The following CCDC30 variants were observed in gnomAD, a reference collection of about 807,000 sequenced individuals.
CCDC30 encodes the protein coiled-coil domain-containing protein 30.
In CCDC30, 70 loss-of-function variants were observed where a neutral mutation model predicts 100.2. The observed-to-expected ratio is 0.70, with a 90% CI of 0.58 to 0.85. CCDC30 has a LOEUF of 0.85. Ranked by LOEUF, CCDC30 falls within the 40% of genes least tolerant of loss-of-function variation. The pLI is 0.00. For missense variants in CCDC30, 652 were observed against 771.2 expected (o/e 0.85, Z 1.83); for synonymous variants, 233 against 269.5 (o/e 0.86, Z 1.33).
chr1:42,636,509 A>G (rs1299137053), intron 11 of CCDC30, among the ~76,000 whole-genome samples: 1 of 152,212 alleles, frequency 6.6e-6, no homozygotes, highest in Non-Finnish European at 1.5e-5. Context: ...TCACTGTCCA[A>G]GATACAGCCA....
intron 11 of CCDC30, among the ~76,000 whole-genome samples, chr1:42,630,255 G>A (rs4660653): frequency 0.1 from 15,429 of 152,182 alleles, 880 homozygotes; most frequent in East Asian, 0.17. Context: ...GATTACAGGC[G>A]TGAGCCACTG....
At chr1:42,554,503 C>T (rs1645327511) in intron 6 of CCDC30, among the ~76,000 whole-genome samples, 1 of 152,044 alleles carries the variant, frequency 6.6e-6, no homozygotes, top group Admixed American at 6.6e-5. Context: ...GTCTCGAACT[C>T]CTGACCTCAG....
chr1:42,632,492 G>A (rs1022323278), intron 11 of CCDC30, among the ~76,000 whole-genome samples: 6 of 151,862 alleles, frequency 4.0e-5, no homozygotes, highest in Non-Finnish European at 4.4e-5. Flanking sequence ...GGCCGGGGGC[G>A]GTAGCTCACG....
intron 1 of CCDC30, among the ~76,000 whole-genome samples, chr1:42,474,886 G>A (rs1027519144): frequency 2.6e-5 from 4 of 152,118 alleles, no homozygotes; most frequent in Non-Finnish European, 4.4e-5. Flanking sequence ...TTGTGAAGCC[G>A]TTATATTAAC....
intron 11 of CCDC30, among the ~76,000 whole-genome samples, chr1:42,623,005 T>G (rs987693567): frequency 6.6e-6 from 1 of 152,254 alleles, no homozygotes; most frequent in Non-Finnish European, 1.5e-5. Flanking sequence ...CCTTTTCATA[T>G]GCCTGTTTGC....
At chr1:42,508,917 A>C (rs1023114892) in intron 6 of CCDC30, among the ~76,000 whole-genome samples, 1 of 152,208 alleles carries the variant, frequency 6.6e-6, no homozygotes, top group Non-Finnish European at 1.5e-5. Flanking sequence ...GCTTTTAATC[A>C]AACTGAGCAC....
intron 11 of CCDC30, among the ~76,000 whole-genome samples, chr1:42,622,442 G>T (rs1015859333): frequency 6.6e-6 from 1 of 152,098 alleles, no homozygotes; most frequent in Non-Finnish European, 1.5e-5. Flanking sequence ...CCTTTCTTTT[G>T]GATATATACT....
rs571302444 is a variant in CCDC30 at position 42,563,645 on chromosome 1, C to A, written c.457-2651C>A. On this transcript the variant is annotated intron_variant, in intron 6 of 16. Transcript: ENST00000668663. ...CCTGTAATCCCAGCACTTTGGGAGG[C>A]CAAGGCGGGTGGATCACCTTCAGAA... Among the ~76,000 whole-genome samples the A allele has an allele frequency of 3.3e-4, 50 of 152,252 alleles. No homozygotes were observed. The East Asian group carries it at 4.2e-3, about 13-fold the overall frequency.
chr1:42,576,231 G>A (rs1177103584), intron 7 of CCDC30, among the ~76,000 whole-genome samples: 2 of 152,228 alleles, frequency 1.3e-5, no homozygotes, highest in South Asian at 2.1e-4. Flanking sequence ...CTGTAGCCCA[G>A]GCTAGAGATG....
intron 4 of CCDC30, among the ~76,000 whole-genome samples, chr1:42,494,196 C>T (rs975928235): frequency 1.7e-4 from 26 of 152,290 alleles, no homozygotes; most frequent in Non-Finnish European, 8.8e-5. Context: ...TCAGAAATAA[C>T]ACCGCATATC....
intron 16 of CCDC30, 99 bp from the exon 21 acceptor site, chr1:42,653,719 C>A: frequency 1.2e-6 from 1 of 854,738 alleles, no homozygotes. Flanking sequence ...GTAACAGTTG[C>A]AAAAAATTGA....
At chr1:42,618,436 A>G (rs1377791343) in intron 11 of CCDC30, among the ~76,000 whole-genome samples, 1 of 152,000 alleles carries the variant, frequency 6.6e-6, no homozygotes, top group Non-Finnish European at 1.5e-5. Flanking sequence ...GGGTTTCTCC[A>G]TGTTGGTCAG....
At chr1:42,552,617 T>G (rs1017228395) in intron 6 of CCDC30, among the ~76,000 whole-genome samples, 2 of 152,012 alleles carry the variant, frequency 1.3e-5, no homozygotes, top group African/African-American at 4.8e-5. Flanking sequence ...TTAAAAAAAA[T>G]TATTTTGAGG....
intron 11 of CCDC30, among the ~76,000 whole-genome samples, chr1:42,618,848 C>T (rs763096635): frequency 9.2e-5 from 14 of 152,152 alleles, no homozygotes; most frequent in Non-Finnish European, 1.3e-4. Flanking sequence ...GAAAGAACGA[C>T]GGGAAGGCAA....
intron 1 of CCDC30, among the ~76,000 whole-genome samples, chr1:42,468,128 G>A (rs892021945): frequency 2.0e-5 from 3 of 152,202 alleles, no homozygotes; most frequent in African/African-American, 7.2e-5. Flanking sequence ...CCCTCATATA[G>A]TAGTTGGGAT....
intron 15 of CCDC30, among the ~76,000 whole-genome samples, chr1:42,646,853 C>T (rs1647928165): frequency 6.6e-6 from 1 of 152,102 alleles, no homozygotes; most frequent in African/African-American, 2.4e-5. Context: ...CTGTAATCCA[C>T]TTTGGGAGGC....
Position 42,478,110 on chromosome 1 carries a change from A to C in CCDC30, c.-91-2351A>C, listed in dbSNP as rs531621907. Among the ~76,000 whole-genome samples, 4 of 152,324 alleles carry C rather than the reference A, an allele frequency of 2.6e-5. No individual in the cohort carries two copies. The South Asian group carries it at 8.3e-4, about 32-fold the overall frequency. ...GCATACAAATATTTTTGAACATATGAATTATTGACTTTGTTATAAAATATC... is the reference window on the plus strand; with the variant it reads ...GCATACAAATATTTTTGAACATATGCATTATTGACTTTGTTATAAAATATC... On this transcript the variant is annotated intron_variant, in intron 1 of 16. Coordinates refer to ENST00000668663, the Ensembl canonical transcript of CCDC30.
chr1:42,622,982 A>G (rs552816525), intron 11 of CCDC30, among the ~76,000 whole-genome samples: 250 of 152,330 alleles, frequency 1.6e-3, no homozygotes, highest in Non-Finnish European at 3.1e-3. Context: ...CTGATAATCA[A>G]TGATGTTGAG....
chr1:42,467,319 C>T (rs772238129), intron 1 of CCDC30, among the ~76,000 whole-genome samples: 9 of 152,206 alleles, frequency 5.9e-5, no homozygotes, highest in Admixed American at 2.0e-4. Context: ...GCAGGAACAT[C>T]AGTTAAGGTT....
Sources: allele counts gnomAD v4.1 joint callset (sites outside exome capture counted in the v4.1 genomes callset), GRCh38; gene constraint gnomAD v4.1.1; transcripts MANE v1.5; gene names NCBI Gene and HGNC (gene_info 2026-07-23, HGNC 2026-07-21).